The following COL4A1 variants were observed in gnomAD, a reference collection of about 807,000 sequenced individuals.
COL4A1 encodes collagen alpha-1(IV) chain.
Under a neutral mutation model 216.6 loss-of-function variants are expected in COL4A1, and 40 were observed. That is an observed-to-expected ratio of 0.18 (90% CI 0.14 to 0.24). The LOEUF (loss-of-function observed/expected upper bound fraction) is 0.24. Ranked by LOEUF, COL4A1 falls within the 10% of genes least tolerant of loss-of-function variation. The pLI, the probability that COL4A1 is intolerant of heterozygous loss-of-function variation, is 1.00. For synonymous variants in COL4A1, 839 were observed against 810.7 expected, an observed-to-expected ratio of 1.03 and a Z score of -0.59; for missense variants, 1,628 against 2,196.8, an observed-to-expected ratio of 0.74 and a Z score of 5.18.
intron 1 of COL4A1, among the ~76,000 whole-genome samples, chr13:110,263,937 AG>A (rs1882925449): frequency 6.6e-6 from 1 of 152,252 alleles, no homozygotes; most frequent in Admixed American, 6.5e-5. Context: ...AAAAGAAAAA[AG>A]TAGGCCAGCA....
chr13:110,170,195 G>A (rs1015968317), intron 42 of COL4A1, among the ~76,000 whole-genome samples: 3 of 151,782 alleles, frequency 2.0e-5, no homozygotes, highest in East Asian at 1.9e-4. Context: ...AATGGCCTGC[G>A]GTCAGTGGTG....
chr13:110,217,420 CAGTT>C lies in COL4A1; in HGVS notation c.145-3409_145-3406del, dbSNP rs1252204011. On this transcript the variant is annotated intron_variant, in intron 2 of 51. Coordinates refer to ENST00000375820, the MANE Select transcript of COL4A1 (RefSeq NM_001845.6). ...ACTGGAGCTCAAGGCAGAATGTGCA[CAGTT>C]AGAGTCAGGGAGCAACAGGACCCTC... Among the ~76,000 whole-genome samples the C allele has an allele frequency of 2.0e-5, 3 of 152,162 alleles. No individual in the cohort carries two copies. The East Asian group carries it at 5.8e-4, about 29-fold the overall frequency.
At chr13:110,258,997 C>A (rs1231258585) in intron 1 of COL4A1, among the ~76,000 whole-genome samples, 1 of 152,234 alleles carries the variant, frequency 6.6e-6, no homozygotes, top group Non-Finnish European at 1.5e-5. Context: ...TCCTGAGCAA[C>A]CTATGGGATC....
chr13:110,276,013 T>C (rs1320137330), intron 1 of COL4A1, among the ~76,000 whole-genome samples: 3 of 151,760 alleles, frequency 2.0e-5, no homozygotes, highest in Non-Finnish European at 4.4e-5. Flanking sequence ...TTTGTCCAAA[T>C]GCATACAAAG....
intron 49 of COL4A1, among the ~76,000 whole-genome samples, chr13:110,159,463 G>T (rs1876963869): frequency 6.6e-6 from 1 of 152,224 alleles, no homozygotes; most frequent in East Asian, 1.9e-4. Context: ...ACGCATGCTG[G>T]TGAGGACGTG....
intron 45 of COL4A1, among the ~76,000 whole-genome samples, chr13:110,165,935 C>T (rs891443517): frequency 6.6e-6 from 1 of 152,140 alleles, no homozygotes; most frequent in South Asian, 2.1e-4. Flanking sequence ...TTCAGGCTAA[C>T]TTGAGAGCCT....
Position 110,213,819 on chromosome 13 carries a change from G to T in COL4A1, c.242C>A (p.Thr81Asn). The change falls in exon 4 of 52, where the codon ACT (threonine) becomes AAT (asparagine). Residue 81 changes from threonine to asparagine, a missense_variant. This residue lies in a region of COL4A1 where 150 missense variants were observed against 211.9 expected (regional missense o/e 0.71). Transcript: ENST00000375820. The stretch of plus-strand genomic sequence containing the variant: ...TGTTCCAGGTAGTCCTGGTTCTCCA[G>T]TATCACCCTGGAACAGAATAGAAAT... ...PQGPPGQKGD[T>N]GEPGLPGTKG... The T allele has an allele frequency of 6.2e-7, 1 of 1,614,096 alleles. No individual in the cohort carries two copies. The highest frequency in any genetic ancestry group is 8.5e-7 in the Non-Finnish European group (1 of 1,179,968).
chr13:110,255,280 C>T (rs148997916), intron 1 of COL4A1, among the ~76,000 whole-genome samples: 16 of 151,954 alleles, frequency 1.1e-4, no homozygotes, highest in East Asian at 2.0e-4. Context: ...CTATCCCATT[C>T]GCTGGATTTT....
At chr13:110,184,784 C>T (rs1878328894) in intron 26 of COL4A1, among the ~76,000 whole-genome samples, 1 of 152,140 alleles carries the variant, frequency 6.6e-6, no homozygotes, top group African/African-American at 2.4e-5. Flanking sequence ...GATCTCAGCT[C>T]ATTGCAACCT....
At chr13:110,259,178 A>T (rs1882703733) in intron 1 of COL4A1, among the ~76,000 whole-genome samples, 2 of 152,058 alleles carry the variant, frequency 1.3e-5, no homozygotes, top group African/African-American at 4.8e-5. Flanking sequence ...TTAAGGCAAT[A>T]CTCTCCAGAC....
chr13:110,151,696 C>T lies in COL4A1; in HGVS notation c.4928+638G>A, dbSNP rs141562528. Reference sequence around the variant, plus strand: ...CGTCAGCCTCCTGCATTGGCTCCAGCGGGGCTGCAGCTGGGGCTCGGGATA... The same window carrying T: ...CGTCAGCCTCCTGCATTGGCTCCAGTGGGGCTGCAGCTGGGGCTCGGGATA... On this transcript the variant is annotated intron_variant, in intron 51 of 51. Coordinates refer to ENST00000375820, the MANE Select transcript of COL4A1 (RefSeq NM_001845.6). Among the ~76,000 whole-genome samples the T allele has an allele frequency of 3.4e-3, 518 of 152,258 alleles. 1 individual carries two copies. Among genetic ancestry groups the T allele is most frequent in the Non-Finnish European group, 4.5e-3 (308 of 68,008 alleles).
In COL4A1 at chr13:110,149,501, A is replaced by G. The variant is rs2138414587; in HGVS notation, c.*862T>C. The G allele has an allele frequency of 6.5e-6, 1 of 152,794 alleles. No individual in the cohort carries two copies. Among genetic ancestry groups the G allele is most frequent in the Non-Finnish European group, 1.5e-5 (1 of 68,038 alleles). 9.5% of individuals were successfully genotyped at this position (152,794 alleles called of 1,614,324 possible). A position where few individuals can be genotyped will look rare whatever the true frequency, so the allele number is the denominator to read the frequency against. On this transcript the variant is annotated 3_prime_UTR_variant, in exon 52 of 52. Coordinates refer to ENST00000375820, the MANE Select transcript of COL4A1 (RefSeq NM_001845.6). ...TTTCACTATAATAGACACCATATTCATGAACCTGGGTTTGGTTTTGGCAAC... is the reference window on the plus strand; with the variant it reads ...TTTCACTATAATAGACACCATATTCGTGAACCTGGGTTTGGTTTTGGCAAC...
At chr13:110,214,888 A>G (rs1143914) in intron 2 of COL4A1, among the ~76,000 whole-genome samples, 69,163 of 152,078 alleles carry the variant, frequency 0.45, 16,073 homozygotes, top group South Asian at 0.61. Context: ...GGAAACAGAT[A>G]GCAACGACTA....
At chr13:110,155,166 A>T (rs1876716102) in intron 50 of COL4A1, 117 bp downstream of exon 50, 2 of 785,468 alleles carry the variant, frequency 2.5e-6, no homozygotes, top group Non-Finnish European at 4.5e-6. Flanking sequence ...AGGAAGAAGG[A>T]GGGGCTTAAG....
At chr13:110,212,351 T>C (rs1013111066) in intron 6 of COL4A1, 66 bp downstream of exon 6, 3 of 1,577,216 alleles carry the variant, frequency 1.9e-6, no homozygotes, top group Non-Finnish European at 1.7e-6. Flanking sequence ...TCACACTACC[T>C]GACTCCTTAA....
intron 1 of COL4A1, among the ~76,000 whole-genome samples, chr13:110,254,724 T>A (rs1882434737): frequency 6.6e-6 from 1 of 152,142 alleles, no homozygotes; most frequent in Admixed American, 6.5e-5. Context: ...TCTCTTCCAG[T>A]GGAGATTTGG....
chr13:110,241,920 G>A (rs555313797), intron 2 of COL4A1, among the ~76,000 whole-genome samples: 24 of 152,322 alleles, frequency 1.6e-4, no homozygotes, highest in African/African-American at 5.5e-4. Context: ...CCATTCTACA[G>A]GGTCCCAACC....
At chr13:110,243,706 T>C (rs1409076609) in intron 1 of COL4A1, among the ~76,000 whole-genome samples, 1 of 152,246 alleles carries the variant, frequency 6.6e-6, no homozygotes, top group Non-Finnish European at 1.5e-5. Context: ...GGAAGCAAGC[T>C]ACCACGTGTT....
At chr13:110,299,214 C>A (rs1274983760) in intron 1 of COL4A1, among the ~76,000 whole-genome samples, 1 of 152,358 alleles carries the variant, frequency 6.6e-6, no homozygotes, top group Middle Eastern at 3.4e-3. Context: ...GCTGCTCAAG[C>A]GGCGGCCTCA....
Sources: allele counts gnomAD v4.1 joint callset (sites outside exome capture counted in the v4.1 genomes callset), GRCh38; gene constraint gnomAD v4.1.1; regional missense constraint gnomAD v4.1.1; transcripts MANE v1.5; gene names NCBI Gene and HGNC (gene_info 2026-07-23, HGNC 2026-07-21).